The following PMEL variants were observed in gnomAD, a reference collection of about 807,000 sequenced individuals.
The protein encoded by PMEL is melanocyte protein PMEL.
Under a neutral mutation model 64.9 loss-of-function variants are expected in PMEL, and 53 were observed. That is an observed-to-expected ratio of 0.82 (90% CI 0.66 to 1.03). PMEL has a LOEUF of 1.03. Ranked by LOEUF, PMEL falls within the 50% of genes least tolerant of loss-of-function variation. The probability of loss-of-function intolerance (pLI) is 0.00; values close to 1 mark genes in which losing one functional copy is unlikely to be tolerated. For missense variants in PMEL, 716 were observed against 814.9 expected (o/e 0.88, Z 1.48); for synonymous variants, 299 against 316.2 (o/e 0.95, Z 0.58).
chr12:55,957,864 C>G (rs751460214), intron 5 of PMEL, 59 bp downstream of exon 5: 21 of 1,597,330 alleles, frequency 1.3e-5, no homozygotes, highest in Non-Finnish European at 1.6e-5. Flanking sequence ...TCCAGTCCAT[C>G]CAAGCCTCCC....
At chr12:55,963,127 A>G (rs1416086471) in intron 1 of PMEL, among the ~76,000 whole-genome samples, 1 of 151,934 alleles carries the variant, frequency 6.6e-6, no homozygotes, top group Non-Finnish European at 1.5e-5. Context: ...ACTGCACTCC[A>G]GCCTGGGCTA....
rs779118344 is a variant in PMEL at position 55,957,971 on chromosome 12, G to C, written c.583C>G (p.Arg195Gly). ...GAATGAGCAAGAGGCACATAGCTCC[G>C]GGATCCCCGGCGATGGTAGACAGTC... ...EVTVYHRRGS[R>G]SYVPLAHSSS... is the part of the protein sequence containing the mutation. Residue 195 changes from arginine to glycine, a missense_variant, in exon 5 of 11, where the codon CGG (arginine) becomes GGG (glycine). By Grantham distance (125) the Arg-to-Gly change is moderately radical. Coordinates refer to ENST00000548747, the MANE Select transcript of PMEL (RefSeq NM_001384361.1). 6.2e-7 allele frequency: 1 copy of C among 1,614,062 alleles called. No homozygotes were observed. The highest frequency in any genetic ancestry group is 8.5e-7 in the Non-Finnish European group (1 of 1,180,042).
chr12:55,956,243 C>T (rs550813756), intron 6 of PMEL, 24 bp from the exon 7 acceptor site: 1 of 1,478,988 alleles, frequency 6.8e-7, no homozygotes, highest in South Asian at 1.1e-5. Flanking sequence ...ATCAAGGAGG[C>T]AAGATCAAGA....
chr12:55,954,730 C>T (rs1008964120), intron 10 of PMEL, among the ~76,000 whole-genome samples: 1 of 152,128 alleles, frequency 6.6e-6, no homozygotes, highest in Non-Finnish European at 1.5e-5. Flanking sequence ...ATGGCGAAAC[C>T]CTGTCTTTAC....
chr12:55,966,177 TAGACA>T, upstream of PMEL: 4 of 1,036,576 alleles, frequency 3.9e-6, no homozygotes, highest in Non-Finnish European at 4.1e-6. Flanking sequence ...TCCTGGTCCC[TAGACA>T]TTGCTTTCCC....
At position 55,961,405 on chromosome 12, in the gene PMEL, G is replaced by A. The variant is rs751092796; in HGVS notation, c.246C>T (p.Ala82=). The change falls in exon 3 of 11, where the codon GCC becomes GCT. Residue 82 remains alanine (A), a synonymous_variant. Coordinates refer to ENST00000548747, the MANE Select transcript of PMEL (RefSeq NM_001384361.1). ...NDGPTLIGAN[A]SFSIALNFPG... is the part of the protein sequence containing the mutation. ...GGAAGTTCAAGGCAATAGAGAAGGA[G>A]GCATTTGCACCAATCAGTGTAGGCC... The A allele has an allele frequency of 2.6e-5, 42 of 1,613,952 alleles. No individual in the cohort carries two copies. The Admixed American group carries it at 7.0e-4, about 27-fold the overall frequency.
At chr12:55,955,733 G>A in intron 8 of PMEL, 46 bp downstream of exon 8, 1 of 1,608,902 alleles carries the variant, frequency 6.2e-7, no homozygotes, top group South Asian at 1.1e-5. Flanking sequence ...AGAGAGCGGA[G>A]AAACAGTCAA....
At chr12:55,965,757 A>C (rs1443382250) in intron 1 of PMEL, among the ~76,000 whole-genome samples, 179 bp downstream of exon 1, 7 of 152,138 alleles carry the variant, frequency 4.6e-5, no homozygotes, top group African/African-American at 1.7e-4. Context: ...GATTATTTTC[A>C]GGCAAAATCC....
chr12:55,961,595 C>T (rs1189434561), intron 2 of PMEL, 27 bp downstream of exon 2: 1 of 1,600,074 alleles, frequency 6.2e-7, no homozygotes, highest in South Asian at 1.1e-5. Context: ...CCCACCATGC[C>T]CTCCCCTGGA....
At chr12:55,965,808 T>C (rs754370298) in intron 1 of PMEL, 128 bp downstream of exon 1, 398 of 1,160,464 alleles carry the variant, frequency 3.4e-4, no homozygotes, top group Non-Finnish European at 4.8e-4. Flanking sequence ...GCCCACATCC[T>C]CACTAAATCA....
At chr12:55,958,401 C>T in intron 4 of PMEL, 72 bp downstream of exon 4, 1 of 1,489,530 alleles carries the variant, frequency 6.7e-7, no homozygotes, top group Middle Eastern at 1.8e-4. Context: ...AAGGGGCGGC[C>T]AAAAGAAAGG....
rs769832755 is a variant in PMEL, at chr12:55,961,663, T to C, written c.146A>G (p.Tyr49Cys). Reference protein sequence around the residue: ...LRTKAWNRQLYPEWTEAQRLD... With the variant: ...LRTKAWNRQLCPEWTEAQRLD... ...TCTCTGGGCTTCTGTCCACTCTGGA[T>C]ACAGCTGCCTGTTCCAGGCTTTGGT... The change falls in exon 2 of 11, where the codon TAT becomes TGT. Residue 49 changes from tyrosine to cysteine, a missense_variant. Coordinates refer to ENST00000548747, the MANE Select transcript of PMEL (RefSeq NM_001384361.1). The C allele has an allele frequency of 6.2e-7, 1 of 1,614,050 alleles. No individual in the cohort carries two copies. The highest frequency in any genetic ancestry group is 8.5e-7 in the Non-Finnish European group (1 of 1,179,964).
intron 3 of PMEL, among the ~76,000 whole-genome samples, chr12:55,960,192 C>A (rs1433223672): frequency 7.6e-6 from 1 of 131,444 alleles, no homozygotes; most frequent in Non-Finnish European, 1.5e-5. Context: ...GCCTGAGCGA[C>A]ACAGCCAGAC....
rs1052165 is a variant in PMEL, at chr12:55,957,562, G to A, written c.741C>T (p.Pro247=). The A allele has an allele frequency of 0.27, 443,601 of 1,613,526 alleles. 64,508 individuals carry two copies. The highest frequency in any genetic ancestry group is 0.39 in the South Asian group (35,476 of 91,012). The change falls in exon 6 of 11, where the codon CCC becomes CCT. Residue 247 remains proline, a synonymous_variant. Transcript: ENST00000548747. ...GGTCAGCTTCAGCCAGATAGCCACT[G>A]GGGTCATGGAGCTGGAGGGCAAAGG... is the stretch of plus-strand genomic sequence containing the variant. The part of the protein sequence containing the change: ...PLTFALQLHD[P]SGYLAEADLS...
chr12:55,966,706 C>T, upstream of PMEL: 1 of 1,117,864 alleles, frequency 8.9e-7, no homozygotes, highest in Non-Finnish European at 1.1e-6. Context: ...CGGGGAGGAG[C>T]GCTGGGCTCG....
chr12:55,962,046 G>A (rs1889121295), intron 1 of PMEL, among the ~76,000 whole-genome samples: 1 of 151,924 alleles, frequency 6.6e-6, no homozygotes, highest in South Asian at 2.1e-4. Context: ...ATGTTGGTTG[G>A]TCTGGTCTCG....
rs200742891 is a variant in PMEL, at chr12:55,961,288, A to G, written c.334+29T>C. On this transcript the variant is annotated intron_variant, in intron 3 of 10. Coordinates refer to ENST00000548747, the MANE Select transcript of PMEL (RefSeq NM_001384361.1). ...ATACCAGGGAACCTGAGCCCTAGGA[A>G]TAAGGACCTAGAATAGAGAAGTACT... 15 of 1,607,806 alleles carry G rather than the reference A, an allele frequency of 9.3e-6. 1 individual carries two copies. The East Asian group carries it at 1.3e-4, about 14-fold the overall frequency.
intron 2 of PMEL, 55 bp downstream of exon 2, chr12:55,961,567 T>A: frequency 1.3e-6 from 2 of 1,594,642 alleles, no homozygotes; most frequent in Non-Finnish European, 1.7e-6. Flanking sequence ...TTCAGCTTGC[T>A]TTTTTCCTCA....
chr12:55,963,425 G>T (rs79737293), intron 1 of PMEL, among the ~76,000 whole-genome samples: 2 of 152,014 alleles, frequency 1.3e-5, no homozygotes. Flanking sequence ...TTTTTGTTTT[G>T]GCTAAAGTAT....
Sources: gnomAD v4.1 joint callset for allele counts (sites outside exome capture counted in the v4.1 genomes callset) on GRCh38, gnomAD v4.1.1 for gene constraint, MANE v1.5 for transcripts, NCBI Gene and HGNC (gene_info 2026-07-23, HGNC 2026-07-21) for gene names.